Variants in SLC2A9 observed in about 807,000 individuals in gnomAD.
The protein encoded by SLC2A9 is solute carrier family 2, facilitated glucose transporter member 9.
Under a neutral mutation model 50.6 loss-of-function variants are expected in SLC2A9, and 39 were observed. The observed-to-expected ratio is 0.77, with a 90% CI of 0.60 to 1.01. SLC2A9 has a LOEUF of 1.01. Among genes scored for constraint, SLC2A9 ranks in the 50% least tolerant of loss-of-function variants. The pLI, the probability that SLC2A9 is intolerant of heterozygous loss-of-function variation, is 0.00. For synonymous variants in SLC2A9, 324 were observed against 276.9 expected, an observed-to-expected ratio of 1.17 and a Z score of -1.69; for missense variants, 686 against 677.6, an observed-to-expected ratio of 1.01 and a Z score of -0.14.
At chr4:9,899,555 C>T (rs1739214952) in intron 8 of SLC2A9, among the ~76,000 whole-genome samples, 1 of 152,116 alleles carries the variant, frequency 6.6e-6, no homozygotes, top group Non-Finnish European at 1.5e-5. Flanking sequence ...GTGCCAGAAA[C>T]AATTTTCTGC....
downstream of SLC2A9, among the ~76,000 whole-genome samples, chr4:9,797,062 C>G (rs1720678902): frequency 6.6e-6 from 1 of 152,136 alleles, no homozygotes; most frequent in Non-Finnish European, 1.5e-5. Context: ...TGTGATCTAC[C>G]ATTAACATTT....
At chr4:9,780,498 C>A (rs527366405) in intron 3 of SLC2A9, among the ~76,000 whole-genome samples, 20 of 152,216 alleles carry the variant, frequency 1.3e-4, no homozygotes, top group African/African-American at 3.6e-4. Flanking sequence ...AGAAGGTGGG[C>A]CACTTGCAGA....
chr4:9,787,033 C>T (rs1302568327), intron 3 of SLC2A9, among the ~76,000 whole-genome samples: 1 of 152,240 alleles, frequency 6.6e-6, no homozygotes, highest in Non-Finnish European at 1.5e-5. Context: ...ATTGGAGGCT[C>T]CAGTGCCCTG....
chr4:9,806,251 G>A (rs529481851), intron 3 of SLC2A9, among the ~76,000 whole-genome samples: 9 of 152,314 alleles, frequency 5.9e-5, no homozygotes, highest in East Asian at 3.9e-4. Context: ...TCGGTTTACC[G>A]GAATGAGGTC....
intron 1 of SLC2A9, among the ~76,000 whole-genome samples, chr4:9,771,630 C>T (rs1038403220): frequency 2.3e-4 from 35 of 152,214 alleles, no homozygotes; most frequent in African/African-American, 8.2e-4. Context: ...ATGACTTCAC[C>T]TTGAGTGGTT....
intron 10 of SLC2A9, 69 bp downstream of exon 10, chr4:9,887,498 G>A: frequency 4.1e-6 from 6 of 1,460,394 alleles, no homozygotes; most frequent in Non-Finnish European, 5.6e-6. Flanking sequence ...ATCTGTATGA[G>A]GAGAGCCCCC....
At chr4:10,034,006 A>G (rs916536333) in intron 1 of SLC2A9, among the ~76,000 whole-genome samples, 23 of 148,874 alleles carry the variant, frequency 1.5e-4, no homozygotes, top group Non-Finnish European at 6.0e-5. Flanking sequence ...TCTCTTACTG[A>G]CTCTCTCCCC....
chr4:9,783,149 G>C lies in SLC2A9; in HGVS notation n.386-3084C>G, dbSNP rs747270210. On this transcript the variant is annotated intron_variant and non_coding_transcript_variant, in intron 3 of 3. Coordinates refer to the SLC2A9 transcript ENST00000503803. ...TCAGAAGGTGTTTGCCCAGCTGCTG[G>C]GGTGCAGCCACTTCTGCTCCCGCAC... The C allele has an allele frequency of 4.8e-5, 77 of 1,614,104 alleles. No individual in the cohort carries two copies. Among genetic ancestry groups the C allele is most frequent in the Non-Finnish European group, 6.3e-5 (74 of 1,180,060 alleles).
At chr4:9,888,258 A>T (rs1033300979) in intron 9 of SLC2A9, among the ~76,000 whole-genome samples, 6 of 131,002 alleles carry the variant, frequency 4.6e-5, no homozygotes, top group African/African-American at 2.1e-4. Flanking sequence ...CCCAGAACTT[A>T]AAGTATATAT....
chr4:9,898,125 A>C (rs554409708), intron 8 of SLC2A9, among the ~76,000 whole-genome samples: 2 of 152,072 alleles, frequency 1.3e-5, no homozygotes, highest in Non-Finnish European at 2.9e-5. Context: ...TGATACAATA[A>C]ATTCCTGTTG....
intron 5 of SLC2A9, among the ~76,000 whole-genome samples, chr4:9,977,519 C>T (rs1323435034): frequency 1.3e-5 from 2 of 151,534 alleles, no homozygotes; most frequent in African/African-American, 4.9e-5. Context: ...GCCTGCCTTG[C>T]CAGCGGTCTC....
At position 9,790,459 on chromosome 4, in the gene SLC2A9, C is replaced by T. The variant is rs555959267; in HGVS notation, n.386-10394G>A. Among the ~76,000 whole-genome samples, 2 of 152,246 alleles carry T rather than the reference C, an allele frequency of 1.3e-5. 1 individual carries two copies. The highest frequency in any genetic ancestry group is 4.8e-5 in the African/African-American group (2 of 41,542). ...GCCCAGTATGGCTTGTAGGGGCTAA[C>T]ACATATGCCCTCATTCATATGTCAA... On this transcript the variant is annotated intron_variant and non_coding_transcript_variant, in intron 3 of 3. Coordinates refer to the SLC2A9 transcript ENST00000503803.
Position 9,887,621 on chromosome 4 carries a change from A to G in SLC2A9, c.1237T>C (p.Tyr413His). The G allele has an allele frequency of 2.6e-6, 4 of 1,557,546 alleles. No individual in the cohort carries two copies. The highest frequency in any genetic ancestry group is 2.4e-5 in the South Asian group (2 of 82,272). The change falls in exon 10 of 12, where the codon TAC (tyrosine) becomes CAC (histidine). Residue 413 changes from tyrosine (Y) to histidine (H), a missense_variant. By Grantham distance (83) the Tyr-to-His change is moderately conservative. Coordinates refer to ENST00000264784, the MANE Select transcript of SLC2A9 (RefSeq NM_020041.3). ...GCCAGAATGCCCACGATACTCAGGT[A>G]GGGGACCCAGGGGGCGTGGTCCTGG... ...TLQDHAPWVP[Y>H]LSIVGILAII...
At chr4:9,844,734 G>T (rs1029451361) in intron 10 of SLC2A9, among the ~76,000 whole-genome samples, 1 of 152,234 alleles carries the variant, frequency 6.6e-6, no homozygotes, top group Non-Finnish European at 1.5e-5. Flanking sequence ...TTTCTCCAGA[G>T]ATAAACCTGA....
chr4:9,791,132 T>C (rs1301446160), intron 3 of SLC2A9, among the ~76,000 whole-genome samples: 1 of 152,222 alleles, frequency 6.6e-6, no homozygotes, highest in Non-Finnish European at 1.5e-5. Context: ...TGGGCCAAGC[T>C]GTATGTAATA....
At chr4:9,874,768 CTG>C (rs1384451269) in intron 10 of SLC2A9, among the ~76,000 whole-genome samples, 4 of 152,110 alleles carry the variant, frequency 2.6e-5, no homozygotes, top group Admixed American at 2.0e-4. Context: ...AGGTGGGATG[CTG>C]TGTCTTTAGA....
At chr4:9,962,332 G>A (rs936437616) in intron 5 of SLC2A9, among the ~76,000 whole-genome samples, 6 of 152,180 alleles carry the variant, frequency 3.9e-5, no homozygotes, top group African/African-American at 1.4e-4. Flanking sequence ...GCCTGTCAGT[G>A]ATAAACTGGA....
chr4:9,954,343 T>C (rs922663974), intron 5 of SLC2A9, among the ~76,000 whole-genome samples: 1 of 152,266 alleles, frequency 6.6e-6, no homozygotes, highest in Non-Finnish European at 1.5e-5. Context: ...GGAAGACTTG[T>C]CTGCAACTAT....
intron 4 of SLC2A9, among the ~76,000 whole-genome samples, chr4:9,983,564 C>T (rs940702074): frequency 6.6e-6 from 1 of 152,122 alleles, no homozygotes; most frequent in Non-Finnish European, 1.5e-5. Context: ...CAAACACAGG[C>T]GTGAGACCAT....
Sources: allele counts gnomAD v4.1 joint callset (sites outside exome capture counted in the v4.1 genomes callset), GRCh38; gene constraint gnomAD v4.1.1; transcripts MANE v1.5; gene names NCBI Gene and HGNC (gene_info 2026-07-23, HGNC 2026-07-21).